ME1: variants seen among roughly 807,000 people sequenced by gnomAD.
The protein encoded by ME1 is malic enzyme 1.
In ME1, 74 loss-of-function variants were observed where a neutral mutation model predicts 66.4. The ratio of observed to expected loss-of-function variants is 1.11; its 90% confidence interval spans 0.92 to 1.35. The LOEUF (loss-of-function observed/expected upper bound fraction) is 1.35. ME1 is among the 40% of genes most tolerant of loss of function. The probability of loss-of-function intolerance (pLI) is 0.00; values close to 1 mark genes in which losing one functional copy is unlikely to be tolerated. For missense variants in ME1, 750 were observed against 694.1 expected, an observed-to-expected ratio of 1.08 and a Z score of -0.90; for synonymous variants, 251 against 235.6, an observed-to-expected ratio of 1.07 and a Z score of -0.60.
chr6:83,394,255 T>C (rs1009564757), intron 3 of ME1, among the ~76,000 whole-genome samples: 8 of 152,056 alleles, frequency 5.3e-5, no homozygotes, highest in Non-Finnish European at 1.2e-4. Flanking sequence ...TGAAGTTTGA[T>C]GGAACAAATA....
At chr6:83,417,289 GC>G (rs1770179720) in intron 1 of ME1, among the ~76,000 whole-genome samples, 1 of 152,176 alleles carries the variant, frequency 6.6e-6, no homozygotes, top group Admixed American at 6.6e-5. Context: ...TTGTCCTCAA[GC>G]AGTCTTCCTC....
chr6:83,420,775 C>T (rs1298432771), intron 1 of ME1, among the ~76,000 whole-genome samples: 5 of 152,224 alleles, frequency 3.3e-5, no homozygotes, highest in Non-Finnish European at 2.9e-5. Flanking sequence ...ATACCTACTA[C>T]ATTCCAGGCC....
At chr6:83,340,295 A>G (rs571664561) in intron 5 of ME1, among the ~76,000 whole-genome samples, 12 of 152,290 alleles carry the variant, frequency 7.9e-5, no homozygotes, top group African/African-American at 2.4e-4. Flanking sequence ...AATTTTCTGA[A>G]TAATAAAAAA....
chr6:83,223,177 A>G (rs1790124892), intron 12 of ME1, among the ~76,000 whole-genome samples: 1 of 152,174 alleles, frequency 6.6e-6, no homozygotes, highest in African/African-American at 2.4e-5. Flanking sequence ...TTTTTAGGTA[A>G]CAATCTAGCT....
rs755839453 is a variant in ME1, at chr6:83,239,639, G to C, written c.815-3C>G. The stretch of plus-strand genomic sequence containing the variant: ...TGCAACTGCAACAGATGCTGTTCCT[G>C]AAACAAGTAATAAATATCCTTGAGT... On this transcript the variant is annotated splice_region_variant and splice_polypyrimidine_tract_variant and intron_variant, in intron 7 of 13. Transcript: ENST00000369705. 6.2e-7 allele frequency: 1 copy of C among 1,604,256 alleles called. No individual in the cohort carries two copies. Among genetic ancestry groups the C allele is most frequent in the South Asian group, 1.1e-5 (1 of 90,808 alleles).
chr6:83,226,751 AATG>A (rs2128523811), intron 11 of ME1, among the ~76,000 whole-genome samples: 1 of 152,078 alleles, frequency 6.6e-6, no homozygotes, highest in Admixed American at 6.5e-5. Flanking sequence ...ATTTTGTTGT[AATG>A]ATATTTTAAA....
At chr6:83,326,612 T>C (rs191319390) in intron 5 of ME1, among the ~76,000 whole-genome samples, 1 of 152,162 alleles carries the variant, frequency 6.6e-6, no homozygotes, top group African/African-American at 2.4e-5. Flanking sequence ...GGCATGTATG[T>C]GGCCAAAAAA....
At chr6:83,331,717 C>T (rs1309473822) in intron 5 of ME1, among the ~76,000 whole-genome samples, 5 of 152,052 alleles carry the variant, frequency 3.3e-5, no homozygotes, top group Admixed American at 3.3e-4. Flanking sequence ...ACCCTACCAA[C>T]ACATTGATCT....
intron 5 of ME1, among the ~76,000 whole-genome samples, chr6:83,332,300 G>C (rs1445715647): frequency 6.6e-6 from 1 of 152,172 alleles, no homozygotes; most frequent in African/African-American, 2.4e-5. Flanking sequence ...CTTATACACT[G>C]TTATTGAGAA....
At chr6:83,397,165 C>T (rs1769749091) in intron 3 of ME1, among the ~76,000 whole-genome samples, 1 of 152,094 alleles carries the variant, frequency 6.6e-6, no homozygotes, top group Non-Finnish European at 1.5e-5. Context: ...CTCAGCACAG[C>T]AGTCAGTCAA....
chr6:83,355,086 T>A (rs1768863778), intron 3 of ME1, among the ~76,000 whole-genome samples: 1 of 152,232 alleles, frequency 6.6e-6, no homozygotes, highest in African/African-American at 2.4e-5. Context: ...CAAAATTGAT[T>A]ATAAGTTCTT....
chr6:83,293,365 T>C (rs982533281), intron 6 of ME1, among the ~76,000 whole-genome samples: 5 of 152,118 alleles, frequency 3.3e-5, no homozygotes, highest in African/African-American at 1.2e-4. Flanking sequence ...CTAGAACTTT[T>C]TCATCTTGCA....
chr6:83,264,127 A>G (rs1024371990), intron 6 of ME1, among the ~76,000 whole-genome samples: 12 of 152,188 alleles, frequency 7.9e-5, no homozygotes, highest in African/African-American at 2.9e-4. Flanking sequence ...TTTGAAAAAC[A>G]TAGGTCCCTT....
At chr6:83,430,401 C>T (rs985469192) in intron 1 of ME1, among the ~76,000 whole-genome samples, 4 of 152,154 alleles carry the variant, frequency 2.6e-5, no homozygotes, top group Admixed American at 1.3e-4. Context: ...ACTCAGTACA[C>T]GTTTCTGTCT....
chr6:83,254,516 C>A (rs1356206853), intron 6 of ME1, among the ~76,000 whole-genome samples: 1 of 152,122 alleles, frequency 6.6e-6, no homozygotes, highest in Non-Finnish European at 1.5e-5. Context: ...AATGATTAGA[C>A]CATAGCAGCA....
At chr6:83,364,695 G>C (rs540551198) in intron 3 of ME1, among the ~76,000 whole-genome samples, 1 of 152,108 alleles carries the variant, frequency 6.6e-6, no homozygotes, top group African/African-American at 2.4e-5. Context: ...ATATGTATGT[G>C]AATATGTGGG....
intron 3 of ME1, among the ~76,000 whole-genome samples, chr6:83,366,524 G>C (rs900047562): frequency 4.6e-5 from 7 of 152,140 alleles, no homozygotes; most frequent in Non-Finnish European, 8.8e-5. Context: ...AAGGATAAAG[G>C]TAAGAAGAAA....
chr6:83,226,638 G>T (rs1487536798), intron 11 of ME1, among the ~76,000 whole-genome samples: 1 of 152,090 alleles, frequency 6.6e-6, no homozygotes, highest in East Asian at 1.9e-4. Context: ...GAGCCATTAA[G>T]TTCCAGTTAA....
chr6:83,376,804 C>CCAAAAAAAAAAAAAAAAAAAAAAAA (rs768668584), intron 3 of ME1, among the ~76,000 whole-genome samples: 4 of 87,124 alleles, frequency 4.6e-5, no homozygotes, highest in African/African-American at 1.6e-4. Context: ...CCCTGTCTCA[C>CCAAAAAAAAAAAAAAAAAAAAAAAA]AAAAAAAAAA....
Sources: allele counts gnomAD v4.1 joint callset (sites outside exome capture counted in the v4.1 genomes callset), GRCh38; gene constraint gnomAD v4.1.1; transcripts MANE v1.5; gene names NCBI Gene and HGNC (gene_info 2026-07-23, HGNC 2026-07-21).